SCAND3: variants seen among roughly 807,000 people sequenced by gnomAD.
SCAND3 encodes SCAN domain-containing protein 3.
the SCAND3 span, chr6:28,586,200 C>A: frequency 1.0e-6 from 1 of 968,052 alleles, no homozygotes; most frequent in Admixed American, 2.3e-5. This position sits in a 1 kb window ranked among gnomAD's most constrained non-coding sequence, Gnocchi z 4.4. Context: ...TGCCCCAAAC[C>A]AGGGTTTCCA....
At chr6:28,583,822 C>T in the SCAND3 span, among the ~76,000 whole-genome samples, 1 of 152,216 alleles carries the variant, frequency 6.6e-6, no homozygotes, top group Non-Finnish European at 1.5e-5. Flanking sequence ...CCACACCTTC[C>T]ATTTGTGCCT....
chr6:28,580,338 C>CA, the SCAND3 span, among the ~76,000 whole-genome samples: 2 of 152,020 alleles, frequency 1.3e-5, no homozygotes, highest in South Asian at 2.1e-4. Flanking sequence ...CCTGTAGTCC[C>CA]AGCTACTCAG....
chr6:28,609,085 A>T, the SCAND3 span, among the ~76,000 whole-genome samples: 2 of 152,346 alleles, frequency 1.3e-5, no homozygotes, highest in Middle Eastern at 6.8e-3. Context: ...AATACATTTA[A>T]ATTGTTTTTC....
the SCAND3 span, among the ~76,000 whole-genome samples, chr6:28,601,837 G>T: frequency 5.3e-5 from 8 of 152,114 alleles, no homozygotes. Flanking sequence ...CACTCTTAAG[G>T]CTCCACCGAT....
chr6:28,575,464 G>C, the SCAND3 span: 1 of 1,613,848 alleles, frequency 6.2e-7, no homozygotes, highest in Non-Finnish European at 8.5e-7. The surrounding 1 kb of genome is among the most constrained non-coding windows in gnomAD (Gnocchi z 4.2). Flanking sequence ...AACTTCCGTA[G>C]GCCTTTTAGA....
At chr6:28,576,037 C>G in the SCAND3 span, 1 of 1,613,694 alleles carries the variant, frequency 6.2e-7, no homozygotes, top group African/African-American at 1.3e-5. Flanking sequence ...GAACTTTTCT[C>G]TCATGTTTTC....
At chr6:28,572,374 G>C in the SCAND3 span, 4 of 1,611,784 alleles carry the variant, frequency 2.5e-6, no homozygotes, top group Non-Finnish European at 3.4e-6. This position sits in a 1 kb window ranked among gnomAD's most constrained non-coding sequence, Gnocchi z 4.1. Flanking sequence ...TCGCAGATGT[G>C]CAATATCAAG....
the SCAND3 span, chr6:28,579,490 T>G: frequency 7.4e-7 from 1 of 1,348,812 alleles, no homozygotes. The surrounding 1 kb of genome is among the most constrained non-coding windows in gnomAD (Gnocchi z 4.5). Flanking sequence ...ACTTGTATTC[T>G]TCCACTAAAA....
the SCAND3 span, among the ~76,000 whole-genome samples, chr6:28,610,101 G>A: frequency 2.0e-3 from 303 of 152,272 alleles, 2 homozygotes; most frequent in African/African-American, 4.7e-3. Context: ...GCAGGCGCCT[G>A]TAATCCCAAC....
chr6:28,584,092 G>T, the SCAND3 span, among the ~76,000 whole-genome samples: 3 of 152,168 alleles, frequency 2.0e-5, no homozygotes, highest in Non-Finnish European at 2.9e-5. Flanking sequence ...TCAATAATAA[G>T]TTTAATGTTG....
the SCAND3 span, chr6:28,589,292 C>G: frequency 6.6e-6 from 1 of 152,206 alleles, no homozygotes; most frequent in Non-Finnish European, 1.5e-5. Flanking sequence ...TGAAGCCTGA[C>G]CTAACTCTTT....
At chr6:28,605,837 T>A in the SCAND3 span, among the ~76,000 whole-genome samples, 1 of 152,048 alleles carries the variant, frequency 6.6e-6, no homozygotes, top group African/African-American at 2.4e-5. Flanking sequence ...AGGGCGAGAC[T>A]CTGTCTCAGA....
At chr6:28,581,610 T>G in the SCAND3 span, among the ~76,000 whole-genome samples, 3 of 152,224 alleles carry the variant, frequency 2.0e-5, no homozygotes, top group Non-Finnish European at 4.4e-5. Flanking sequence ...TTTGGCCTCA[T>G]GCTTACCATC....
the SCAND3 span, among the ~76,000 whole-genome samples, chr6:28,614,879 C>G: frequency 6.6e-6 from 1 of 152,158 alleles, no homozygotes; most frequent in South Asian, 2.1e-4. Context: ...AACCCAGTGG[C>G]CAGTAATGCT....
At chr6:28,583,864 GA>G in the SCAND3 span, among the ~76,000 whole-genome samples, 92 of 152,324 alleles carry the variant, frequency 6.0e-4, no homozygotes, top group Middle Eastern at 3.4e-3. Context: ...TCTGTAGAAA[GA>G]TCCTGTGTGT....
At chr6:28,589,514 C>T in the SCAND3 span, 1 of 152,068 alleles carries the variant, frequency 6.6e-6, no homozygotes, top group Non-Finnish European at 1.5e-5. Flanking sequence ...TTCGTTCCTC[C>T]GCTTCCCATC....
chr6:28,613,497 T>C, the SCAND3 span, among the ~76,000 whole-genome samples: 1 of 152,210 alleles, frequency 6.6e-6, no homozygotes. Context: ...TAATCTGAGG[T>C]ATCTTCCAAA....
the SCAND3 span, chr6:28,572,100 A>C: frequency 8.7e-6 from 14 of 1,614,092 alleles, no homozygotes; most frequent in Non-Finnish European, 1.2e-5. This position sits in a 1 kb window ranked among gnomAD's most constrained non-coding sequence, Gnocchi z 4.1. Flanking sequence ...ATTTTAAAGC[A>C]ATCTCAGCAA....
the SCAND3 span, chr6:28,586,797 T>C: frequency 7.6e-7 from 1 of 1,311,220 alleles, no homozygotes; most frequent in Admixed American, 2.4e-5. This position sits in a 1 kb window ranked among gnomAD's most constrained non-coding sequence, Gnocchi z 4.4. Flanking sequence ...AGCTCCTTTT[T>C]TGTTCTTGGT....
Sources: allele counts gnomAD v4.1 joint callset (sites outside exome capture counted in the v4.1 genomes callset), GRCh38; gene constraint gnomAD v4.1.1; non-coding constraint Gnocchi (gnomAD v3.1); transcripts MANE v1.5; gene names NCBI Gene and HGNC (gene_info 2026-07-23, HGNC 2026-07-21).